UBE2O: variants seen among roughly 807,000 people sequenced by gnomAD.
UBE2O encodes (E3-independent) E2 ubiquitin-conjugating enzyme.
Under a neutral mutation model 125.8 loss-of-function variants are expected in UBE2O, and 15 were observed. The observed-to-expected ratio is 0.12, with a 90% CI of 0.08 to 0.18. The LOEUF (loss-of-function observed/expected upper bound fraction) is 0.18, where lower values mean the gene tolerates loss of function less well. Ranked by LOEUF, UBE2O falls within the 10% of genes least tolerant of loss-of-function variation. The probability of loss-of-function intolerance (pLI) is 1.00; values close to 1 mark genes in which losing one functional copy is unlikely to be tolerated. For synonymous variants in UBE2O, 708 were observed against 703.2 expected (o/e 1.01, Z -0.11); for missense variants, 1,280 against 1,723.6 (o/e 0.74, Z 4.56).
At chr17:76,414,613 G>A (rs558955750) in intron 1 of UBE2O, among the ~76,000 whole-genome samples, 10 of 152,310 alleles carry the variant, frequency 6.6e-5, no homozygotes, top group South Asian at 2.1e-4. Flanking sequence ...CTGCATCACC[G>A]CCTGGAAACT....
intron 1 of UBE2O, among the ~76,000 whole-genome samples, chr17:76,451,727 T>A (rs2073246355): frequency 6.6e-6 from 1 of 152,090 alleles, no homozygotes; most frequent in Non-Finnish European, 1.5e-5. Flanking sequence ...AGAAATGTTT[T>A]CTTGAAGGGG....
chr17:76,431,714 G>C (rs892501329), intron 1 of UBE2O, among the ~76,000 whole-genome samples: 14 of 152,224 alleles, frequency 9.2e-5, no homozygotes, highest in South Asian at 6.2e-4. Flanking sequence ...AGCCCAGCGG[G>C]GGGGACTGCT....
Position 76,452,870 on chromosome 17 carries a change from C to G in UBE2O, c.272G>C (p.Gly91Ala), listed in dbSNP as rs970495356. 6.7e-7 allele frequency: 1 copy of G among 1,503,728 alleles called. No homozygotes were observed. Among genetic ancestry groups the G allele is most frequent in the Non-Finnish European group, 8.9e-7 (1 of 1,126,024 alleles). The allele number at this position is 1,503,728 out of a possible 1,614,324, so 93.1% of individuals were successfully genotyped here. Reference protein sequence around the residue: ...LIHGEDSDSEGEEEGRGSSGC... With the variant: ...LIHGEDSDSEAEEEGRGSSGC... ...CGAGCTCCCGCGGCCCTCCTCCTCG[C>G]CCTCCGAGTCCGAGTCCTCGCCGTG... Residue 91 changes from glycine (G) to alanine (A), a missense_variant, in exon 1 of 18, where the codon GGC becomes GCC. Physicochemically the swap from Gly to Ala is moderately conservative, Grantham distance 60 (BLOSUM62 0). Around this residue, in one of 10 missense-constraint regions of UBE2O, gnomAD observed 188 missense variants for 192.5 expected, o/e 0.98. Coordinates refer to ENST00000319380, the MANE Select transcript of UBE2O (RefSeq NM_022066.4). The surrounding 1 kb of genome is among the most constrained non-coding windows in gnomAD (Gnocchi z 4.4).
In UBE2O at chr17:76,445,228, T is replaced by C. The variant is rs679396; in HGVS notation, c.417+7497A>G. ...GGGTAGGACTGACTGCCTTTTTTTT[T>C]TTCTTTTTCCAAGCATGACTCAGTG... On this transcript the variant is annotated intron_variant, in intron 1 of 17. Transcript: ENST00000319380. 1.1e-3 allele frequency among the ~76,000 whole-genome samples: 163 copies of C among 152,316 alleles called. 2 individuals carry two copies. In the East Asian group the frequency reaches 0.03, roughly 28 times the overall value.
At position 76,399,330 on chromosome 17, in the gene UBE2O, G is replaced by GTCTC; in HGVS notation, c.1628+118_1628+119insGAGA. 1 of 1,012,108 alleles carries GTCTC rather than the reference G, an allele frequency of 9.9e-7. No homozygotes were observed. Among genetic ancestry groups the GTCTC allele is most frequent in the Non-Finnish European group, 1.4e-6 (1 of 698,930 alleles). 62.7% of individuals were successfully genotyped at this position (1,012,108 alleles called of 1,614,324 possible). A position where few individuals can be genotyped will look rare whatever the true frequency, so the allele number is the denominator to read the frequency against. ...TACGTTGTCTCGGGTGGGAGCCCCG[G>GTCTC]AGCCACTACAAGGCATGCAGAGGTG... is the stretch of plus-strand genomic sequence containing the variant. On this transcript the variant is annotated intron_variant, in intron 9 of 17. Transcript: ENST00000319380. The surrounding 1 kb of genome is among the most constrained non-coding windows in gnomAD (Gnocchi z 6.9).
intron 1 of UBE2O, among the ~76,000 whole-genome samples, chr17:76,424,477 G>C (rs1006567407): frequency 4.6e-5 from 7 of 152,160 alleles, no homozygotes; most frequent in African/African-American, 1.7e-4. Context: ...CCAAAGTGCT[G>C]GGATTACAGG....
In UBE2O at chr17:76,396,247, G is replaced by A; in HGVS notation, c.2690C>T (p.Pro897Leu). ...RKEDKPEGQSPVKAEWPSETP... is the reference protein window; with the variant it reads ...RKEDKPEGQSLVKAEWPSETP... ...TTCGCTGGGCCACTCAGCCTTCACAGGTGACTGCCCCTCGGGCTTGTCCTC... is the reference window on the plus strand; with the variant it reads ...TTCGCTGGGCCACTCAGCCTTCACAAGTGACTGCCCCTCGGGCTTGTCCTC... The change falls in exon 14 of 18, where the codon CCT (proline) becomes CTT (leucine). Residue 897 changes from proline (P) to leucine (L), a missense_variant. Around this residue, in one of 10 missense-constraint regions of UBE2O, gnomAD observed 116 missense variants for 154.8 expected, o/e 0.75. Transcript: ENST00000319380. This position sits in a 1 kb window ranked among gnomAD's most constrained non-coding sequence, Gnocchi z 6.7. 6.2e-7 allele frequency: 1 copy of A among 1,614,232 alleles called. No individual in the cohort carries two copies. The highest frequency in any genetic ancestry group is 8.5e-7 in the Non-Finnish European group (1 of 1,180,048).
At chr17:76,448,911 C>CTCCTT (rs2073190523) in intron 1 of UBE2O, among the ~76,000 whole-genome samples, 1 of 152,244 alleles carries the variant, frequency 6.6e-6, no homozygotes, top group Non-Finnish European at 1.5e-5. Context: ...GCCAGATGGA[C>CTCCTT]AGTTTCAAGT....
chr17:76,400,340 G>T lies in UBE2O; in HGVS notation c.1005-43C>A, dbSNP rs3809691. 23 of 1,605,462 alleles carry T rather than the reference G, an allele frequency of 1.4e-5. No individual in the cohort carries two copies. Among genetic ancestry groups the T allele is most frequent in the Non-Finnish European group, 2.0e-5 (23 of 1,174,504 alleles). ...GGGGGTGAGCTGGGCTGGACTCCTGGGAGGCCAGCAGTGTTCTTAAGCCTC... is the reference window on the plus strand; with the variant it reads ...GGGGGTGAGCTGGGCTGGACTCCTGTGAGGCCAGCAGTGTTCTTAAGCCTC... On this transcript the variant is annotated intron_variant, in intron 7 of 17. Coordinates refer to ENST00000319380, the MANE Select transcript of UBE2O (RefSeq NM_022066.4). The surrounding 1 kb of genome is among the most constrained non-coding windows in gnomAD (Gnocchi z 4.3).
At chr17:76,443,002 A>G (rs574211744) in intron 1 of UBE2O, among the ~76,000 whole-genome samples, 1 of 152,294 alleles carries the variant, frequency 6.6e-6, no homozygotes, top group African/African-American at 2.4e-5. Context: ...ATGACCCCAA[A>G]TGCTCTAATT....
chr17:76,449,364 CAGA>C (rs779255683), intron 1 of UBE2O, among the ~76,000 whole-genome samples: 60 of 152,334 alleles, frequency 3.9e-4, no homozygotes, highest in Non-Finnish European at 6.5e-4. Context: ...CACTTGAGGC[CAGA>C]AGTTCAAGAC....
At chr17:76,401,182 C>A (rs1202057097) in intron 5 of UBE2O, 28 bp from the exon 6 acceptor site, 1 of 1,610,400 alleles carries the variant, frequency 6.2e-7, no homozygotes, top group Non-Finnish European at 8.5e-7. Context: ...AAAGGAAAGT[C>A]CCCGTGAGCG....
intron 1 of UBE2O, among the ~76,000 whole-genome samples, chr17:76,450,807 G>A (rs2073228071): frequency 6.6e-6 from 1 of 152,244 alleles, no homozygotes; most frequent in Admixed American, 6.5e-5. Flanking sequence ...TTTTAGTAGA[G>A]ACAGGGTTTC....
At chr17:76,393,733 C>T (rs946717086) in intron 15 of UBE2O, among the ~76,000 whole-genome samples, 3 of 152,110 alleles carry the variant, frequency 2.0e-5, no homozygotes, top group African/African-American at 7.2e-5. Flanking sequence ...GGGAGACCAC[C>T]GCTCCACAGA....
chr17:76,424,232 G>A (rs2072764428), intron 1 of UBE2O, among the ~76,000 whole-genome samples: 2 of 78,172 alleles, frequency 2.6e-5, no homozygotes, highest in South Asian at 4.3e-4. Context: ...TTTTGAGACA[G>A]AATTTAACTT....
chr17:76,420,713 AAG>A (rs2072695405), intron 1 of UBE2O, among the ~76,000 whole-genome samples: 1 of 152,184 alleles, frequency 6.6e-6, no homozygotes. Context: ...GCCAAGGAGG[AAG>A]AGACACAAGA....
intron 1 of UBE2O, among the ~76,000 whole-genome samples, chr17:76,434,130 C>T (rs1345712739): frequency 6.6e-6 from 1 of 152,138 alleles, no homozygotes; most frequent in East Asian, 1.9e-4. Flanking sequence ...TCTTACTTAA[C>T]CACGTAAGCC....
At chr17:76,449,036 C>T (rs1419878546) in intron 1 of UBE2O, among the ~76,000 whole-genome samples, 1 of 152,234 alleles carries the variant, frequency 6.6e-6, no homozygotes, top group Non-Finnish European at 1.5e-5. Flanking sequence ...CTGGAAGCCT[C>T]AGGAACACGA....
chr17:76,425,221 T>C (rs1203198422), intron 1 of UBE2O, among the ~76,000 whole-genome samples: 2 of 86,882 alleles, frequency 2.3e-5, no homozygotes, highest in African/African-American at 7.1e-5. Flanking sequence ...CAAGGTCCTT[T>C]CGACAAAAAA....
Sources: gnomAD v4.1 joint callset for allele counts (sites outside exome capture counted in the v4.1 genomes callset) on GRCh38, gnomAD v4.1.1 for gene constraint, gnomAD v4.1.1 regional missense constraint, Gnocchi (gnomAD v3.1) non-coding constraint, MANE v1.5 for transcripts, NCBI Gene and HGNC (gene_info 2026-07-23, HGNC 2026-07-21) for gene names.